Variants in PES1 observed in about 807,000 individuals in gnomAD.
The protein encoded by PES1 is pescadillo homolog.
In PES1, 31 loss-of-function variants were observed where a neutral mutation model predicts 77.1. The observed-to-expected ratio is 0.40, with a 90% CI of 0.30 to 0.54. PES1 has a LOEUF of 0.54. Ranked by LOEUF, PES1 falls within the 20% of genes least tolerant of loss-of-function variation. The pLI is 0.45. For missense variants in PES1, 658 were observed against 771.7 expected (o/e 0.85, Z 1.75); for synonymous variants, 282 against 303.0 (o/e 0.93, Z 0.72).
rs1161308889 is a variant in PES1 at position 30,605,422 on chromosome 22, T to C, written c.-661+39A>G. The C allele has an allele frequency of 6.1e-6, 6 of 983,962 alleles. No homozygotes were observed. In the East Asian group the frequency reaches 5.7e-4, roughly 93 times the overall value. The allele number at this position is 983,962 out of a possible 1,614,324, so 61.0% of individuals were successfully genotyped here. A position where few individuals can be genotyped will look rare whatever the true frequency, so the allele number is the denominator to read the frequency against. On this transcript the variant is annotated intron_variant, in intron 2 of 16. Coordinates refer to the PES1 transcript ENST00000402281. The stretch of plus-strand genomic sequence containing the variant: ...TTCGACACCCTAACTACCTTGGGGA[T>C]CAGAAGTGACTCTCTGGAAGGATGC...
intron 6 of PES1, among the ~76,000 whole-genome samples, chr22:30,583,073 T>G (rs751354088): frequency 6.6e-6 from 1 of 152,038 alleles, no homozygotes; most frequent in Non-Finnish European, 1.5e-5. Flanking sequence ...CAGGGCCCTA[T>G]TCACCACCAG....
intron 2 of PES1, among the ~76,000 whole-genome samples, chr22:30,599,547 C>T (rs1271728984): frequency 6.6e-6 from 1 of 152,136 alleles, no homozygotes; most frequent in African/African-American, 2.4e-5. Context: ...GTAAAAATAA[C>T]AAATTTAATG....
At position 30,579,256 on chromosome 22, in the gene PES1, C is replaced by T. The variant is rs1397872422; in HGVS notation, c.1402G>A (p.Glu468Lys). Residue 468 changes from glutamate (E) to lysine (K), a missense_variant, in exon 13 of 15, where the codon GAA becomes AAA. Transcript: ENST00000354694. Reference protein sequence around the residue: ...EEEEEEDDNNEGDGDEEGENE... With the variant: ...EEEEEEDDNNKGDGDEEGENE... ...TCTCCCTCTTCATCACCATCACCTT[C>T]GTTGTTGTCGTCCTCTTCCTCCTCC... The T allele has an allele frequency of 6.2e-6, 10 of 1,602,418 alleles. No homozygotes were observed. Among genetic ancestry groups the T allele is most frequent in the South Asian group, 3.3e-5 (3 of 91,072 alleles).
At chr22:30,606,788 G>A in intron 1 of PES1, 2 of 972,458 alleles carry the variant, frequency 2.1e-6, no homozygotes, top group Non-Finnish European at 2.4e-6. Flanking sequence ...AAAAACAGCT[G>A]ACTCCAGCAA....
chr22:30,584,534 T>C lies in PES1; in HGVS notation c.540+12A>G. The C allele has an allele frequency of 6.2e-7, 1 of 1,609,848 alleles. No homozygotes were observed. Among genetic ancestry groups the C allele is most frequent in the Non-Finnish European group, 8.5e-7 (1 of 1,178,030 alleles). On this transcript the variant is annotated intron_variant, in intron 5 of 14. Transcript: ENST00000354694. ...GCAGGGTGGGATGCCAGCCGGGCAG[T>C]CCCAGGCTCACCTTGCGCAGGGCAC... is the stretch of plus-strand genomic sequence containing the variant.
chr22:30,587,410 G>T lies in PES1; in HGVS notation c.259-15C>A. 1 of 1,585,738 alleles carries T rather than the reference G, an allele frequency of 6.3e-7. No homozygotes were observed. ...CGGACGAACACCTGGAAGAAAGAAA[G>T]AAAACACCTCAATGCTGAGGCTCAG... On this transcript the variant is annotated splice_polypyrimidine_tract_variant and intron_variant, in intron 3 of 14. Transcript: ENST00000354694.
rs2087139562 is a variant in PES1, at chr22:30,589,215, A to T, written c.80T>A (p.Leu27His). 7.4e-6 allele frequency: 12 copies of T among 1,613,888 alleles called. No homozygotes were observed. The highest frequency in any genetic ancestry group is 1.0e-5 in the Non-Finnish European group (12 of 1,179,926). ...YITRNKARKKLQLSLADFRRL... is the reference protein window; with the variant it reads ...YITRNKARKKHQLSLADFRRL... ...CCTAAAGTCAGCCAAGCTCAGCTGG[A>T]GCTTCTTCCGGGCTTTGTTCCGGGT... The change falls in exon 2 of 15, where the codon CTC becomes CAC. Residue 27 changes from leucine to histidine, a missense_variant. By Grantham distance (99) the Leu-to-His change is moderately conservative. Transcript: ENST00000354694.
chr22:30,590,983 C>T (rs2087166818), intron 1 of PES1, among the ~76,000 whole-genome samples: 1 of 152,208 alleles, frequency 6.6e-6, no homozygotes, highest in Non-Finnish European at 1.5e-5. Context: ...TAGAAACTTT[C>T]ACTCTGAAAG....
intron 3 of PES1, among the ~76,000 whole-genome samples, chr22:30,587,808 T>G (rs2087115044): frequency 6.6e-6 from 1 of 152,196 alleles, no homozygotes; most frequent in South Asian, 2.1e-4. Context: ...TGTGTGACAC[T>G]GAGACACCCA....
intron 6 of PES1, among the ~76,000 whole-genome samples, chr22:30,582,331 G>A (rs374700810): frequency 1.3e-3 from 201 of 152,332 alleles, no homozygotes; most frequent in African/African-American, 4.2e-3. Context: ...GGCATGACCC[G>A]AGGGGCCAGG....
rs1362684953 is a variant in PES1, at chr22:30,579,275, C to T, written c.1383G>A (p.Glu461=). The T allele has an allele frequency of 3.1e-6, 5 of 1,601,082 alleles. No individual in the cohort carries two copies. The African/African-American group carries it at 6.7e-5, about 21-fold the overall frequency. ...PGNLNESEEE[E]EEDDNNEGDG... is the part of the protein sequence containing the mutation. ...CACCTTCGTTGTTGTCGTCCTCTTC[C>T]TCCTCCTCTTCTGACTCATTCAGGT... is the stretch of plus-strand genomic sequence containing the variant. The change falls in exon 13 of 15, where the codon GAG becomes GAA. Residue 461 remains glutamate (E), a synonymous_variant. Coordinates refer to ENST00000354694, the MANE Select transcript of PES1 (RefSeq NM_014303.4).
intron 2 of PES1, 85 bp downstream of exon 2, chr22:30,589,106 T>C (rs977955541): frequency 5.2e-6 from 5 of 960,644 alleles, no homozygotes; most frequent in South Asian, 2.9e-5. Context: ...AGAATGGGTA[T>C]GGCAACTCAG....
chr22:30,594,868 C>T (rs1475958556), upstream of PES1, among the ~76,000 whole-genome samples: 6 of 152,002 alleles, frequency 3.9e-5, no homozygotes, highest in African/African-American at 1.2e-4. Flanking sequence ...CCCAGCTACT[C>T]GTGGTCCCAG....
chr22:30,597,895 TTG>T (rs1216210550), intron 2 of PES1, among the ~76,000 whole-genome samples: 42,237 of 129,272 alleles, frequency 0.33, 8,179 homozygotes, highest in Middle Eastern at 0.37. Context: ...TTTTTTTTTT[TTG>T]TTTTGAGTCG....
rs192072395 is a variant in PES1, at chr22:30,582,820, C to T, written c.631-1176G>A. ...TGACAGGCACATCTGGGGACCAACC[C>T]CATTTCCCACAGCCCAGCACTGAGC... On this transcript the variant is annotated intron_variant, in intron 6 of 14. Transcript: ENST00000354694. Among the ~76,000 whole-genome samples the T allele has an allele frequency of 2.2e-3, 332 of 152,328 alleles. 2 individuals carry two copies. The highest frequency in any genetic ancestry group is 7.5e-3 in the African/African-American group (313 of 41,570).
rs373027361 is a variant in PES1 at position 30,579,266 on chromosome 22, G to T, written c.1392C>A (p.Asp464Glu). The change falls in exon 13 of 15, where the codon GAC becomes GAA. Residue 464 changes from aspartate (D) to glutamate (E), a missense_variant. Transcript: ENST00000354694. ...LNESEEEEEE[D>E]DNNEGDGDEE... ...CATCACCATCACCTTCGTTGTTGTC[G>T]TCCTCTTCCTCCTCCTCTTCTGACT... 3 of 1,601,416 alleles carry T rather than the reference G, an allele frequency of 1.9e-6. No individual in the cohort carries two copies. The South Asian group carries it at 3.3e-5, about 18-fold the overall frequency.
chr22:30,600,598 C>T (rs891459339), intron 2 of PES1, among the ~76,000 whole-genome samples: 12 of 152,218 alleles, frequency 7.9e-5, no homozygotes, highest in African/African-American at 2.9e-4. Flanking sequence ...CGGTGGATCA[C>T]GAGGTCAGGA....
upstream of PES1, chr22:30,592,321 G>C (rs776204248): frequency 2.8e-5 from 28 of 990,590 alleles, no homozygotes; most frequent in Non-Finnish European, 3.4e-5. Flanking sequence ...CTGAGAAGCG[G>C]TTCCCGAGGG....
At chr22:30,602,842 C>T (rs973418036) in intron 2 of PES1, among the ~76,000 whole-genome samples, 1 of 152,152 alleles carries the variant, frequency 6.6e-6, no homozygotes, top group Non-Finnish European at 1.5e-5. Context: ...ATTGTTCCTG[C>T]ACCATTTGAT....
Sources: gnomAD v4.1 joint callset for allele counts (sites outside exome capture counted in the v4.1 genomes callset) on GRCh38, gnomAD v4.1.1 for gene constraint, MANE v1.5 for transcripts, NCBI Gene and HGNC (gene_info 2026-07-23, HGNC 2026-07-21) for gene names.